The following DTNB variants were observed in gnomAD, a reference collection of about 807,000 sequenced individuals.
The protein encoded by DTNB is dystrobrevin beta.
In DTNB, 63 loss-of-function variants were observed where a neutral mutation model predicts 90.7. The observed-to-expected ratio is 0.69, with a 90% CI of 0.57 to 0.86. The LOEUF is 0.86. Among genes scored for constraint, DTNB ranks in the 40% least tolerant of loss-of-function variants. The probability of loss-of-function intolerance (pLI) is 0.00; values close to 1 mark genes in which losing one functional copy is unlikely to be tolerated. For synonymous variants in DTNB, 277 were observed against 286.7 expected (o/e 0.97, Z 0.34); for missense variants, 744 against 807.1 (o/e 0.92, Z 0.95).
chr2:25,539,199 G>A (rs2080565641), intron 8 of DTNB, among the ~76,000 whole-genome samples: 1 of 152,106 alleles, frequency 6.6e-6, no homozygotes, highest in Non-Finnish European at 1.5e-5. Flanking sequence ...CATTCACAAT[G>A]CTGTTGTAAC....
At chr2:25,528,048 G>A (rs1008846601) in intron 9 of DTNB, among the ~76,000 whole-genome samples, 6 of 151,980 alleles carry the variant, frequency 3.9e-5, no homozygotes, top group African/African-American at 1.5e-4. Context: ...TTCAAACAAT[G>A]GCCAACTCAG....
intron 19 of DTNB, among the ~76,000 whole-genome samples, chr2:25,381,202 CGTGTGCGTGT>C (rs1159559466): frequency 1.3e-5 from 2 of 151,574 alleles, no homozygotes; most frequent in African/African-American, 4.9e-5. Context: ...TGTGCATGTG[CGTGTGCGTGT>C]GTGTGCGCGT....
intron 8 of DTNB, among the ~76,000 whole-genome samples, chr2:25,538,181 G>C (rs576749376): frequency 1.3e-5 from 2 of 152,156 alleles, no homozygotes; most frequent in South Asian, 2.1e-4. Context: ...CCAGGAGTTC[G>C]TGATCAGCCT....
At chr2:25,669,815 G>C (rs1198019954) in intron 1 of DTNB, among the ~76,000 whole-genome samples, 1 of 151,702 alleles carries the variant, frequency 6.6e-6, no homozygotes, top group East Asian at 1.9e-4. Context: ...ATGGTGGCAC[G>C]CAAGTGTAGT....
chr2:25,550,286 G>A (rs566127012), intron 8 of DTNB, among the ~76,000 whole-genome samples: 32 of 152,134 alleles, frequency 2.1e-4, no homozygotes, highest in African/African-American at 7.7e-4. Context: ...AGCTACTCGG[G>A]AGGCTGAGGC....
At chr2:25,441,652 C>T (rs1193760487) in intron 12 of DTNB, among the ~76,000 whole-genome samples, 1 of 152,168 alleles carries the variant, frequency 6.6e-6, no homozygotes, top group Non-Finnish European at 1.5e-5. Flanking sequence ...AGAATTTGCT[C>T]TTTCAAGAAG....
chr2:25,589,839 T>A (rs2063215115), intron 6 of DTNB, among the ~76,000 whole-genome samples: 1 of 152,208 alleles, frequency 6.6e-6, no homozygotes, highest in South Asian at 2.1e-4. Context: ...CTGGACTCGT[T>A]CCACCCACTC....
intron 14 of DTNB, among the ~76,000 whole-genome samples, chr2:25,431,414 A>G (rs978483804): frequency 2.6e-5 from 4 of 152,202 alleles, no homozygotes; most frequent in African/African-American, 4.8e-5. Context: ...GAAGACCAGT[A>G]TGTTTTGTAC....
At chr2:25,630,661 A>G (rs1273961541) in intron 3 of DTNB, among the ~76,000 whole-genome samples, 3 of 152,122 alleles carry the variant, frequency 2.0e-5, no homozygotes, top group Non-Finnish European at 2.9e-5. Flanking sequence ...CCTGGCCAAC[A>G]TGGAGAAACC....
At chr2:25,382,052 C>T (rs1208980750) in intron 19 of DTNB, among the ~76,000 whole-genome samples, 1 of 152,224 alleles carries the variant, frequency 6.6e-6, no homozygotes, top group East Asian at 1.9e-4. Flanking sequence ...TCAGACTAAA[C>T]CATGGGCATT....
chr2:25,386,816 AAAG>A (rs1303987726), intron 18 of DTNB, among the ~76,000 whole-genome samples: 1 of 152,204 alleles, frequency 6.6e-6, no homozygotes, highest in African/African-American at 2.4e-5. Flanking sequence ...GTCACGGACA[AAAG>A]GAGGGAATAG....
At chr2:25,613,326 T>C (rs190604408) in intron 4 of DTNB, among the ~76,000 whole-genome samples, 1 of 152,228 alleles carries the variant, frequency 6.6e-6, no homozygotes, top group East Asian at 1.9e-4. Flanking sequence ...AGGTTTGGGG[T>C]ATGAATAATC....
chr2:25,439,332 T>G (rs1274605414), intron 12 of DTNB, among the ~76,000 whole-genome samples: 1 of 152,026 alleles, frequency 6.6e-6, no homozygotes, highest in African/African-American at 2.4e-5. Flanking sequence ...AAACCCCTAC[T>G]CTACAAAAAA....
At chr2:25,570,085 A>C (rs1427257524) in intron 8 of DTNB, among the ~76,000 whole-genome samples, 2 of 150,430 alleles carry the variant, frequency 1.3e-5, no homozygotes, top group African/African-American at 2.5e-5. Flanking sequence ...CAACAAAGCA[A>C]GACTGCATCT....
chr2:25,511,320 T>G (rs933665113), intron 9 of DTNB, among the ~76,000 whole-genome samples: 14 of 152,154 alleles, frequency 9.2e-5, no homozygotes, highest in African/African-American at 3.4e-4. Context: ...TAAATTCACG[T>G]TGGTTCAAAT....
At chr2:25,428,668 A>G (rs1385554958) in intron 14 of DTNB, among the ~76,000 whole-genome samples, 2 of 152,022 alleles carry the variant, frequency 1.3e-5, no homozygotes, top group African/African-American at 4.8e-5. Flanking sequence ...CCTGACCTCA[A>G]GTGATCCACC....
At chr2:25,572,864 A>G (rs115382792) in intron 8 of DTNB, among the ~76,000 whole-genome samples, 1 of 152,252 alleles carries the variant, frequency 6.6e-6, no homozygotes, top group Non-Finnish European at 1.5e-5. Flanking sequence ...ACTTGCTTTC[A>G]ACTAACAGAA....
At chr2:25,451,421 G>T in intron 12 of DTNB, 127 bp downstream of exon 12, 1 of 964,306 alleles carries the variant, frequency 1.0e-6, no homozygotes, top group Non-Finnish European at 1.5e-6. Flanking sequence ...CTCTTAGCAT[G>T]TGGAAAAGTG....
chr2:25,602,796 A>G (rs1366572925), intron 5 of DTNB, among the ~76,000 whole-genome samples: 1 of 152,194 alleles, frequency 6.6e-6, no homozygotes, highest in African/African-American at 2.4e-5. Flanking sequence ...CTTATTTTCT[A>G]TGTGCACAGC....
Sources: gnomAD v4.1 joint callset for allele counts (sites outside exome capture counted in the v4.1 genomes callset) on GRCh38, gnomAD v4.1.1 for gene constraint, MANE v1.5 for transcripts, NCBI Gene and HGNC (gene_info 2026-07-23, HGNC 2026-07-21) for gene names.